Variants in ATP8A2 observed in about 807,000 individuals in gnomAD.
ATP8A2 encodes ATPase phospholipid transporting 8A2, also known as phospholipid-transporting ATPase IB.
A neutral mutation model predicts 165.6 loss-of-function variants in ATP8A2; 100 were observed. The ratio of observed to expected loss-of-function variants is 0.60; its 90% confidence interval spans 0.51 to 0.71. The LOEUF (loss-of-function observed/expected upper bound fraction) is 0.71. Among genes scored for constraint, ATP8A2 ranks in the 30% least tolerant of loss-of-function variants. The probability of loss-of-function intolerance (pLI) is 0.00; values close to 1 mark genes in which losing one functional copy is unlikely to be tolerated. For missense variants in ATP8A2, 1,227 were observed against 1,479.5 expected, an observed-to-expected ratio of 0.83 and a Z score of 2.80; for synonymous variants, 543 against 548.8, an observed-to-expected ratio of 0.99 and a Z score of 0.15.
chr13:25,517,251 AAT>A (rs2037509589), intron 2 of ATP8A2: 1 of 152,148 alleles, frequency 6.6e-6, no homozygotes, highest in Admixed American at 6.5e-5. Context: ...AGAAAGAATA[AAT>A]CACTTGGGTA....
intron 23 of ATP8A2, among the ~76,000 whole-genome samples, chr13:25,583,880 A>C (rs2039846130): frequency 1.3e-5 from 2 of 152,192 alleles, no homozygotes; most frequent in Admixed American, 6.5e-5. Context: ...AGAACCGCTC[A>C]CATCATTTGC....
intron 25 of ATP8A2, among the ~76,000 whole-genome samples, chr13:25,753,772 G>A (rs1251379953): frequency 1.3e-5 from 2 of 152,104 alleles, no homozygotes; most frequent in African/African-American, 2.4e-5. Flanking sequence ...GAGTGCTTGG[G>A]GTGCACCCAA....
intron 24 of ATP8A2, among the ~76,000 whole-genome samples, chr13:25,678,142 A>T (rs532196973): frequency 4.6e-5 from 7 of 152,152 alleles, no homozygotes; most frequent in Non-Finnish European, 7.4e-5. Flanking sequence ...TTGGCCTTCA[A>T]CTCTGTGTCC....
chr13:25,390,329 G>A (rs749631112), intron 1 of ATP8A2, among the ~76,000 whole-genome samples: 1 of 152,160 alleles, frequency 6.6e-6, no homozygotes, highest in Non-Finnish European at 1.5e-5. Flanking sequence ...AGGTTATTAA[G>A]ATATAATTTA....
At chr13:25,442,605 A>G (rs927836349) in intron 1 of ATP8A2, among the ~76,000 whole-genome samples, 5 of 152,116 alleles carry the variant, frequency 3.3e-5, no homozygotes, top group African/African-American at 1.2e-4. Context: ...TTGTAGAGAT[A>G]GGAGGAGTCT....
At chr13:25,648,856 C>A (rs185407207) in intron 24 of ATP8A2, among the ~76,000 whole-genome samples, 15 of 152,046 alleles carry the variant, frequency 9.9e-5, no homozygotes, top group Non-Finnish European at 1.3e-4. Flanking sequence ...TTGTTTCTTT[C>A]TGAATATTCT....
At chr13:25,528,429 G>A (rs1363116497) in intron 2 of ATP8A2, among the ~76,000 whole-genome samples, 2 of 152,184 alleles carry the variant, frequency 1.3e-5, no homozygotes, top group African/African-American at 4.8e-5. Context: ...TTTCTCTGAG[G>A]CAGTGGCAGA....
intron 33 of ATP8A2, among the ~76,000 whole-genome samples, chr13:25,910,872 C>T (rs1463860615): frequency 2.6e-5 from 4 of 151,796 alleles, no homozygotes; most frequent in East Asian, 1.9e-4. Context: ...ATGTTAAGTC[C>T]GCCTGAGAGA....
intron 24 of ATP8A2, among the ~76,000 whole-genome samples, chr13:25,617,505 A>G (rs1041077842): frequency 6.6e-6 from 1 of 152,186 alleles, no homozygotes; most frequent in Admixed American, 6.5e-5. Flanking sequence ...TGAGTAGAAA[A>G]TGATTTGAAG....
chr13:25,585,721 T>C (rs1200713742), intron 23 of ATP8A2, among the ~76,000 whole-genome samples: 1 of 152,240 alleles, frequency 6.6e-6, no homozygotes, highest in East Asian at 1.9e-4. Context: ...TAATTGCCTG[T>C]ACATTTTCTT....
At chr13:25,538,998 A>T (rs1443075178) in intron 7 of ATP8A2, among the ~76,000 whole-genome samples, 1 of 152,036 alleles carries the variant, frequency 6.6e-6, no homozygotes, top group Non-Finnish European at 1.5e-5. Flanking sequence ...ATATTAAAAT[A>T]TTGATCACTT....
At chr13:25,669,769 G>A (rs903548212) in intron 24 of ATP8A2, among the ~76,000 whole-genome samples, 2 of 151,984 alleles carry the variant, frequency 1.3e-5, no homozygotes, top group African/African-American at 2.4e-5. Flanking sequence ...TCCATTGTCC[G>A]AGGCATAGGT....
intron 24 of ATP8A2, among the ~76,000 whole-genome samples, chr13:25,633,185 A>G (rs187900018): frequency 2.0e-5 from 3 of 152,334 alleles, no homozygotes; most frequent in Admixed American, 6.5e-5. Context: ...GATCCGTTCT[A>G]TTAATGAGGC....
At chr13:25,464,093 C>G (rs2035571674) in intron 1 of ATP8A2, among the ~76,000 whole-genome samples, 1 of 152,166 alleles carries the variant, frequency 6.6e-6, no homozygotes, top group Admixed American at 6.5e-5. Context: ...TCATCAAAAC[C>G]TACTGGCCCA....
intron 25 of ATP8A2, among the ~76,000 whole-genome samples, chr13:25,757,488 G>C (rs1375260219): frequency 7.3e-6 from 1 of 136,960 alleles, no homozygotes; most frequent in East Asian, 2.2e-4. Flanking sequence ...TGCCAGTTCA[G>C]TGTAACGATA....
At chr13:25,772,093 A>G (rs1048058010) in intron 26 of ATP8A2, among the ~76,000 whole-genome samples, 2 of 152,158 alleles carry the variant, frequency 1.3e-5, no homozygotes, top group African/African-American at 4.8e-5. Context: ...TTTTATGCAC[A>G]TGGGCAGCCC....
chr13:25,895,997 T>C (rs1374667105), intron 33 of ATP8A2, among the ~76,000 whole-genome samples: 7 of 152,204 alleles, frequency 4.6e-5, no homozygotes, highest in African/African-American at 1.7e-4. Flanking sequence ...CCTGGATTCA[T>C]TGATTTTTTG....
At chr13:25,614,931 AG>A (rs2040783038) in intron 24 of ATP8A2, among the ~76,000 whole-genome samples, 1 of 152,156 alleles carries the variant, frequency 6.6e-6, no homozygotes, top group South Asian at 2.1e-4. Context: ...GGACTCTGTG[AG>A]GGTACTTGGT....
intron 25 of ATP8A2, among the ~76,000 whole-genome samples, chr13:25,740,032 G>C (rs2043873246): frequency 1.3e-5 from 2 of 151,778 alleles, no homozygotes; most frequent in South Asian, 4.1e-4. Flanking sequence ...AAAGAGGGCT[G>C]GGCGCAGTGG....
Sources: gnomAD v4.1 joint callset for allele counts (sites outside exome capture counted in the v4.1 genomes callset) on GRCh38, gnomAD v4.1.1 for gene constraint, MANE v1.5 for transcripts, NCBI Gene and HGNC (gene_info 2026-07-23, HGNC 2026-07-21) for gene names.